The following PSMA8 variants were observed in gnomAD, a reference collection of about 807,000 sequenced individuals.
PSMA8 encodes proteasome subunit alpha-type 8.
PSMA8 carries 18 observed loss-of-function variants against 32.4 expected under a neutral mutation model. The ratio of observed to expected loss-of-function variants is 0.56; its 90% CI spans 0.38 to 0.82. The LOEUF (loss-of-function observed/expected upper bound fraction) is 0.82, where lower values mean the gene tolerates loss of function less well. Ranked by LOEUF, PSMA8 falls within the 40% of genes least tolerant of loss-of-function variation. The probability of loss-of-function intolerance (pLI) is 0.00; values close to 1 mark genes in which losing one functional copy is unlikely to be tolerated. For missense variants in PSMA8, 298 were observed against 300.7 expected, an observed-to-expected ratio of 0.99 and a Z score of 0.07; for synonymous variants, 104 against 98.1, an observed-to-expected ratio of 1.06 and a Z score of -0.36.
chr18:26,182,275 G>T (rs116210620), intron 6 of PSMA8, among the ~76,000 whole-genome samples: 3 of 152,188 alleles, frequency 2.0e-5, no homozygotes, highest in Non-Finnish European at 4.4e-5. Flanking sequence ...TTTCAATGTA[G>T]ATGAAACAGC....
chr18:26,136,288 C>G (rs533485453), intron 1 of PSMA8, among the ~76,000 whole-genome samples: 1 of 152,230 alleles, frequency 6.6e-6, no homozygotes, highest in African/African-American at 2.4e-5. Flanking sequence ...AGAAATGAAT[C>G]CTTCACAATA....
At chr18:26,186,265 A>C (rs1186061488) in intron 6 of PSMA8, among the ~76,000 whole-genome samples, 9 of 150,164 alleles carry the variant, frequency 6.0e-5, no homozygotes, top group Middle Eastern at 3.4e-3. Context: ...AAAAAAAAAA[A>C]AAAAAAAAAA....
chr18:26,163,213 GTATATA>G (rs58945617), intron 4 of PSMA8, among the ~76,000 whole-genome samples: 2,498 of 80,670 alleles, frequency 0.031, 67 homozygotes, highest in Middle Eastern at 0.056. Flanking sequence ...ATGTGTGTGT[GTATATA>G]TATATATATA....
chr18:26,158,133 A>C lies in PSMA8; in HGVS notation c.366A>C (p.Gln122His). Residue 122 changes from glutamine to histidine, a missense_variant, in exon 4 of 7, where the codon CAA (glutamine) becomes CAC (histidine). Gln to His is a conservative substitution (Grantham distance 24). Transcript: ENST00000415576. ...FIATLKQKYT[Q>H]SNGRRPFGIS... ...TTTTATTTTTCTAGAAATATACCCA[A>C]AGCAATGGACGAAGACCTTTTGGTA... 1 of 1,587,346 alleles carries C rather than the reference A, an allele frequency of 6.3e-7. No homozygotes were observed. Among genetic ancestry groups the C allele is most frequent in the East Asian group, 2.2e-5 (1 of 44,540 alleles).
At position 26,144,587 on chromosome 18, in the gene PSMA8, T is replaced by C. The variant is rs761697969; in HGVS notation, c.131T>C (p.Val44Ala). The C allele has an allele frequency of 1.9e-6, 3 of 1,613,452 alleles. No individual in the cohort carries two copies. Among genetic ancestry groups the C allele is most frequent in the South Asian group, 1.1e-5 (1 of 91,066 alleles). The change falls in exon 2 of 7, where the codon GTT (valine) becomes GCT (alanine). Residue 44 changes from valine to alanine, a missense_variant. By Grantham distance (64) the Val-to-Ala change is moderately conservative. Coordinates refer to ENST00000415576, the MANE Select transcript of PSMA8 (RefSeq NM_001025096.2). Reference sequence around the variant, plus strand: ...GGAATTCGAGGTACCAATATAGTTGTTCTTGGGGTAGAAAAAAAATCTGTT... The same window carrying C: ...GGAATTCGAGGTACCAATATAGTTGCTCTTGGGGTAGAAAAAAAATCTGTT... ...AVGIRGTNIV[V>A]LGVEKKSVAK... is the part of the protein sequence containing the mutation.
intron 3 of PSMA8, 102 bp downstream of exon 3, chr18:26,152,084 A>G: frequency 1.4e-6 from 1 of 733,016 alleles, no homozygotes; most frequent in Non-Finnish European, 1.9e-6. Flanking sequence ...GTAGTCTATT[A>G]AATATATTAA....
chr18:26,189,578 T>C (rs923055796), intron 6 of PSMA8, among the ~76,000 whole-genome samples: 5 of 151,780 alleles, frequency 3.3e-5, no homozygotes, highest in African/African-American at 1.2e-4. Flanking sequence ...GAAATGCAAA[T>C]CAAAACTACA....
chr18:26,150,101 T>C (rs1042939586), intron 2 of PSMA8, among the ~76,000 whole-genome samples: 1 of 152,182 alleles, frequency 6.6e-6, no homozygotes, highest in Non-Finnish European at 1.5e-5. Context: ...CATTGGAGCC[T>C]TTTGGATTTT....
intron 4 of PSMA8, among the ~76,000 whole-genome samples, chr18:26,173,925 C>T (rs1389478374): frequency 6.6e-6 from 1 of 151,894 alleles, no homozygotes; most frequent in South Asian, 2.1e-4. Context: ...GGTGGTCATA[C>T]GTTATTTAAC....
At chr18:26,179,204 C>T (rs1195755511) in intron 6 of PSMA8, 74 bp downstream of exon 6, 1 of 1,106,778 alleles carries the variant, frequency 9.0e-7, no homozygotes, top group Non-Finnish European at 1.3e-6. Flanking sequence ...AGTTGTTGGC[C>T]TCTAGGCTTC....
intron 4 of PSMA8, chr18:26,170,597 G>C: frequency 4.7e-6 from 3 of 643,836 alleles, no homozygotes; most frequent in Non-Finnish European, 7.5e-6. Context: ...AGAGTAGTGG[G>C]GAATAAAAAC....
chr18:26,141,713 C>CTTTTTTTTT (rs1011733993), intron 1 of PSMA8, among the ~76,000 whole-genome samples: 27 of 109,984 alleles, frequency 2.5e-4, no homozygotes, highest in African/African-American at 4.5e-4. Context: ...TTTCTTTTTT[C>CTTTTTTTTT]TTTTTTTTTT....
intron 4 of PSMA8, among the ~76,000 whole-genome samples, 190 bp downstream of exon 4, chr18:26,158,434 A>G (rs2055108718): frequency 2.0e-5 from 3 of 152,230 alleles, no homozygotes; most frequent in Non-Finnish European, 4.4e-5. Context: ...TTGTAAGCAC[A>G]AGGTCTTTTG....
At position 26,143,750 on chromosome 18, in the gene PSMA8, C is replaced by T. The variant is rs185372082; in HGVS notation, c.103-809C>T. ...CTTTCTTTTTTTTTTGAGCTTGAGT[C>T]TCGCTCTGTTGCCCAGGCTGGAGTG... On this transcript the variant is annotated intron_variant, in intron 1 of 6. Transcript: ENST00000415576. 3.3e-3 allele frequency among the ~76,000 whole-genome samples: 497 copies of T among 152,012 alleles called. 2 individuals carry two copies. The highest frequency in any genetic ancestry group is 5.5e-3 in the Non-Finnish European group (371 of 67,988).
At chr18:26,165,461 T>C (rs1225904132) in intron 4 of PSMA8, among the ~76,000 whole-genome samples, 4 of 152,028 alleles carry the variant, frequency 2.6e-5, no homozygotes, top group Non-Finnish European at 5.9e-5. Context: ...AAATAAAAAA[T>C]TGAAGAAAAG....
intron 6 of PSMA8, among the ~76,000 whole-genome samples, chr18:26,191,820 A>T (rs1259237441): frequency 1.3e-5 from 2 of 152,102 alleles, no homozygotes; most frequent in Non-Finnish European, 2.9e-5. Flanking sequence ...TACAACAGAA[A>T]ATCAAACTAC....
At chr18:26,165,304 G>A (rs371244479) in intron 4 of PSMA8, among the ~76,000 whole-genome samples, 2 of 152,178 alleles carry the variant, frequency 1.3e-5, no homozygotes, top group Non-Finnish European at 2.9e-5. Context: ...GTGTGTATGC[G>A]TGCGCACGCA....
chr18:26,144,647 T>C lies in PSMA8; in HGVS notation c.191T>C (p.Ile64Thr). ...KLQDERTVRKICALDDHVCMA... is the reference protein window; with the variant it reads ...KLQDERTVRKTCALDDHVCMA... ...CAAGATGAAAGAACTGTGAGGAAAA[T>C]TTGTGCCCTTGATGACCATGTCTGC... Residue 64 changes from isoleucine to threonine, a missense_variant, in exon 2 of 7, where the codon ATT (isoleucine) becomes ACT (threonine). Transcript: ENST00000415576. 1 of 1,613,844 alleles carries C rather than the reference T, an allele frequency of 6.2e-7. No individual in the cohort carries two copies. Among genetic ancestry groups the C allele is most frequent in the Non-Finnish European group, 8.5e-7 (1 of 1,179,912 alleles).
At position 26,133,927 on chromosome 18, in the gene PSMA8, A is replaced by G; in HGVS notation, c.-39A>G. 2 of 1,546,136 alleles carry G rather than the reference A, an allele frequency of 1.3e-6. No individual in the cohort carries two copies. Among genetic ancestry groups the G allele is most frequent in the Non-Finnish European group, 1.8e-6 (2 of 1,119,588 alleles). On this transcript the variant is annotated 5_prime_UTR_variant, in exon 1 of 7. Transcript: ENST00000415576. ...GCTCCCCGCTTGCCTCAGCTGCAGC[A>G]GCGGGAAGCTCGGTGGCAAGCCCTT...
Sources: gnomAD v4.1 joint callset for allele counts (sites outside exome capture counted in the v4.1 genomes callset) on GRCh38, gnomAD v4.1.1 for gene constraint, MANE v1.5 for transcripts, NCBI Gene and HGNC (gene_info 2026-07-23, HGNC 2026-07-21) for gene names.